Variants in RBFOX1 observed in about 807,000 individuals in gnomAD.
RBFOX1 encodes RNA binding protein fox-1 homolog 1.
In RBFOX1, 8 loss-of-function variants were observed where a neutral mutation model predicts 57.7. The observed-to-expected ratio is 0.14, with a 90% confidence interval of 0.08 to 0.25. The LOEUF (loss-of-function observed/expected upper bound fraction) is 0.25. Ranked by LOEUF, RBFOX1 falls within the 10% of genes least tolerant of loss-of-function variation. RBFOX1 has a pLI of 1.00. For missense variants in RBFOX1, 611 were observed against 548.5 expected (o/e 1.11, Z -1.14); for synonymous variants, 326 against 222.4 (o/e 1.47, Z -4.15).
At chr16:5,734,124 C>T (rs1031966644) in intron 3 of RBFOX1, among the ~76,000 whole-genome samples, 1 of 152,156 alleles carries the variant, frequency 6.6e-6, no homozygotes, top group South Asian at 2.1e-4. Flanking sequence ...TCATGTTCTT[C>T]TCCTTACCTG....
chr16:7,392,315 G>A (rs768449136), intron 4 of RBFOX1, among the ~76,000 whole-genome samples: 13 of 151,984 alleles, frequency 8.6e-5, no homozygotes, highest in South Asian at 2.1e-4. Flanking sequence ...TCCAGATCAC[G>A]TCCCAAAATT....
At chr16:7,352,097 A>G (rs185691433) in intron 4 of RBFOX1, among the ~76,000 whole-genome samples, 1 of 152,124 alleles carries the variant, frequency 6.6e-6, no homozygotes, top group Non-Finnish European at 1.5e-5. Context: ...TGCGGGGTGT[A>G]TCATTTCCAC....
At chr16:7,698,071 C>A (rs189842313) in intron 14 of RBFOX1, among the ~76,000 whole-genome samples, 4 of 152,196 alleles carry the variant, frequency 2.6e-5, no homozygotes, top group Admixed American at 1.3e-4. Flanking sequence ...TAGGTTAATT[C>A]ACCAGACGTC....
rs573989551 is a variant in RBFOX1, at chr16:5,844,996, C to T, written c.319-22307C>T. Among the ~76,000 whole-genome samples, 9 of 151,752 alleles carry T rather than the reference C, an allele frequency of 5.9e-5. No homozygotes were observed. In the East Asian group the frequency reaches 9.7e-4, roughly 16 times the overall value. On this transcript the variant is annotated intron_variant, in intron 3 of 19. Coordinates refer to the RBFOX1 transcript ENST00000641259. ...ATTCATAACACAAGGTATATTAGCC[C>T]AGCACTTGGTTTGTAATGAGAACCA... is the stretch of plus-strand genomic sequence containing the variant.
At chr16:7,029,253 CACACATATATAT>C (rs2042143338) in intron 3 of RBFOX1, among the ~76,000 whole-genome samples, 1 of 18,110 alleles carries the variant, frequency 5.5e-5, no homozygotes, top group African/African-American at 1.3e-4. Flanking sequence ...TATATATATA[CACACATATATAT>C]ACGTATACGT....
chr16:6,392,645 GA>G (rs1253120870), intron 2 of RBFOX1, among the ~76,000 whole-genome samples: 1 of 152,188 alleles, frequency 6.6e-6, no homozygotes, highest in East Asian at 1.9e-4. Flanking sequence ...GGGACTAATA[GA>G]CCCCCCTAAT....
intron 3 of RBFOX1, among the ~76,000 whole-genome samples, chr16:6,694,556 T>C (rs1425345194): frequency 1.3e-5 from 2 of 152,162 alleles, no homozygotes; most frequent in African/African-American, 4.8e-5. Flanking sequence ...ACACATTTTG[T>C]TCACTGAGGG....
At chr16:6,595,261 C>A (rs1353489489) in intron 2 of RBFOX1, among the ~76,000 whole-genome samples, 2 of 152,214 alleles carry the variant, frequency 1.3e-5, no homozygotes, top group African/African-American at 4.8e-5. Flanking sequence ...TCTGCTCTAT[C>A]TCTATAGGTT....
rs540151543 is a variant in RBFOX1, at chr16:7,204,021, A to G, written c.27+151923A>G. On this transcript the variant is annotated intron_variant, in intron 4 of 15. Coordinates refer to ENST00000550418, the MANE Select transcript of RBFOX1 (RefSeq NM_018723.4). ...TATTTTAAGACTGTCGCAATCTTTA[A>G]CTAACATTTCGATCTGCAGCCAGGG... 1.2e-3 allele frequency among the ~76,000 whole-genome samples: 178 copies of G among 152,340 alleles called. 3 individuals are homozygous for G. Among genetic ancestry groups the G allele is most frequent in the Non-Finnish European group, 4.0e-4 (27 of 68,040 alleles).
chr16:7,319,728 A>G (rs1257817700), intron 4 of RBFOX1, among the ~76,000 whole-genome samples: 1 of 152,176 alleles, frequency 6.6e-6, no homozygotes, highest in Admixed American at 6.5e-5. Flanking sequence ...ATCCTTGGTC[A>G]TGTGAAGCAG....
chr16:6,462,185 T>C (rs1347642120), intron 2 of RBFOX1, among the ~76,000 whole-genome samples: 4 of 152,154 alleles, frequency 2.6e-5, no homozygotes, highest in African/African-American at 4.8e-5. Context: ...CAGAACTCTT[T>C]AGAGTTAATG....
At chr16:6,513,730 G>T (rs568056875) in intron 2 of RBFOX1, among the ~76,000 whole-genome samples, 1 of 151,614 alleles carries the variant, frequency 6.6e-6, no homozygotes, top group Non-Finnish European at 1.5e-5. Flanking sequence ...GTGAGACTTC[G>T]TCTCAAAAAC....
At chr16:7,503,406 A>G (rs2071666452) in intron 4 of RBFOX1, among the ~76,000 whole-genome samples, 1 of 152,238 alleles carries the variant, frequency 6.6e-6, no homozygotes, top group Non-Finnish European at 1.5e-5. Context: ...TACTCTGGAC[A>G]GCTATGATGG....
chr16:6,779,999 A>ATATATATTTATATATT (rs1567211212), intron 3 of RBFOX1, among the ~76,000 whole-genome samples: 1 of 18,610 alleles, frequency 5.4e-5, no homozygotes, highest in African/African-American at 2.6e-4. Flanking sequence ...TTATATATTT[A>ATATATATTTATATATT]TATATATTTA....
intron 3 of RBFOX1, among the ~76,000 whole-genome samples, chr16:6,989,325 T>C (rs1035838130): frequency 6.6e-6 from 1 of 152,172 alleles, no homozygotes; most frequent in African/African-American, 2.4e-5. Flanking sequence ...TATATGTGCT[T>C]CTCTCTGTCT....
At chr16:6,790,212 T>C (rs568450110) in intron 3 of RBFOX1, among the ~76,000 whole-genome samples, 85 of 145,280 alleles carry the variant, frequency 5.9e-4, no homozygotes, top group South Asian at 1.7e-3. Flanking sequence ...TATGACAGAC[T>C]CTCGCTCTGT....
chr16:6,222,197 TACAATGTTATGAA>T (rs2097378754), intron 1 of RBFOX1, among the ~76,000 whole-genome samples: 1 of 152,182 alleles, frequency 6.6e-6, no homozygotes, highest in Non-Finnish European at 1.5e-5. Context: ...TTTTATAAAA[TACAATGTTATGAA>T]ATAACTCTCG....
chr16:6,731,383 G>T (rs756956012), intron 3 of RBFOX1, among the ~76,000 whole-genome samples: 10 of 152,074 alleles, frequency 6.6e-5, no homozygotes, highest in Non-Finnish European at 1.2e-4. Context: ...TTTAGAAACA[G>T]GGGATCAGTG....
chr16:6,631,219 T>C (rs1298880892), intron 2 of RBFOX1, among the ~76,000 whole-genome samples: 1 of 151,594 alleles, frequency 6.6e-6, no homozygotes, highest in Non-Finnish European at 1.5e-5. Context: ...GGAGGTTAAG[T>C]GATAGGTAAG....
Sources: allele counts gnomAD v4.1 joint callset (sites outside exome capture counted in the v4.1 genomes callset), GRCh38; gene constraint gnomAD v4.1.1; transcripts MANE v1.5; gene names NCBI Gene and HGNC (gene_info 2026-07-23, HGNC 2026-07-21).